RAMP3: variants seen among roughly 807,000 people sequenced by gnomAD.
RAMP3 encodes the protein receptor activity modifying protein 3.
RAMP3 carries 14 observed loss-of-function variants against 13.5 expected under a neutral mutation model. The observed-to-expected ratio is 1.04, with a 90% CI of 0.69 to 1.63. RAMP3 has a LOEUF of 1.63. RAMP3 is among the 40% of genes most tolerant of loss of function. The pLI, the probability that RAMP3 is intolerant of heterozygous loss-of-function variation, is 0.00. For synonymous variants in RAMP3, 106 were observed against 88.3 expected (o/e 1.20, Z -1.12); for missense variants, 200 against 204.8 (o/e 0.98, Z 0.14).
chr7:45,159,568 G>A (rs1024754592), intron 1 of RAMP3, among the ~76,000 whole-genome samples: 1 of 152,236 alleles, frequency 6.6e-6, no homozygotes, highest in East Asian at 1.9e-4. Flanking sequence ...ACACTTTGCT[G>A]TGGTGCCCAG....
Position 45,177,411 on chromosome 7 carries a change from G to A in RAMP3, c.161G>A (p.Trp54Ter), listed in dbSNP as rs780871648. Residue 54 changes from tryptophan to a stop codon, truncating the protein, a stop_gained, in exon 2 of 3, where the codon TGG becomes TAG. Coordinates refer to ENST00000242249, the MANE Select transcript of RAMP3 (RefSeq NM_005856.3). LOFTEE classifies it high-confidence loss of function. ...FADMMGKVDV[W>*]KWCNLSEFIV... ...GACATGATGGGCAAGGTGGACGTCT[G>A]GAAGTGGTGCAACCTGTCCGAGTTC... 2.5e-6 allele frequency: 4 copies of A among 1,614,008 alleles called. No individual in the cohort carries two copies. In the Admixed American group the frequency reaches 5.0e-5, roughly 20 times the overall value.
At chr7:45,170,077 G>GT (rs1252713915) in intron 1 of RAMP3, among the ~76,000 whole-genome samples, 9 of 150,522 alleles carry the variant, frequency 6.0e-5, no homozygotes, top group African/African-American at 2.4e-5. Context: ...CCCTGATTTA[G>GT]TAATTTGAGT....
At chr7:45,167,343 T>A (rs1263547681) in intron 1 of RAMP3, among the ~76,000 whole-genome samples, 1 of 152,192 alleles carries the variant, frequency 6.6e-6, no homozygotes, top group Non-Finnish European at 1.5e-5. Flanking sequence ...GTTGTCGCAG[T>A]ACCATTTGTT....
intron 1 of RAMP3, among the ~76,000 whole-genome samples, chr7:45,158,978 C>T (rs1001069202): frequency 4.6e-5 from 7 of 152,204 alleles, no homozygotes; most frequent in African/African-American, 1.7e-4. Flanking sequence ...CCAGTGAGCG[C>T]CCCTTAGGTG....
intron 2 of RAMP3, among the ~76,000 whole-genome samples, chr7:45,182,748 C>T (rs931921469): frequency 6.6e-6 from 1 of 152,136 alleles, no homozygotes; most frequent in African/African-American, 2.4e-5. Flanking sequence ...ACCCTCCTCT[C>T]AGGCTCTTAG....
At chr7:45,179,892 G>A (rs1183610537) in intron 2 of RAMP3, among the ~76,000 whole-genome samples, 2 of 152,192 alleles carry the variant, frequency 1.3e-5, no homozygotes, top group African/African-American at 2.4e-5. Flanking sequence ...AAAAAAATGA[G>A]CTCTAGGTTG....
intron 1 of RAMP3, among the ~76,000 whole-genome samples, chr7:45,162,896 C>G (rs767534919): frequency 1.3e-5 from 2 of 152,196 alleles, no homozygotes; most frequent in Non-Finnish European, 2.9e-5. Context: ...ATCCCCCATG[C>G]CCTTACTCCT....
chr7:45,174,275 T>G (rs1392597185), intron 1 of RAMP3, among the ~76,000 whole-genome samples: 1 of 152,064 alleles, frequency 6.6e-6, no homozygotes, highest in East Asian at 1.9e-4. Context: ...GGGTCTGCTG[T>G]GATGTCTGGG....
chr7:45,171,378 A>T (rs1400462280), intron 1 of RAMP3, among the ~76,000 whole-genome samples: 1 of 150,994 alleles, frequency 6.6e-6, no homozygotes, highest in Non-Finnish European at 1.5e-5. Context: ...TTGGTCTCGA[A>T]CTCTGGATCT....
rs528229707 is a variant in RAMP3, at chr7:45,183,483, G to C, written c.*71G>C. 1.7e-5 allele frequency: 27 copies of C among 1,577,360 alleles called. No homozygotes were observed. The African/African-American group carries it at 3.5e-4, about 20-fold the overall frequency. ...AAGTTCCCTGGGGATGGGAGAGCGG[G>C]TGGGTGCTGCCAATCTCCAGCTACT... is the stretch of plus-strand genomic sequence containing the variant. On this transcript the variant is annotated 3_prime_UTR_variant, in exon 3 of 3. Transcript: ENST00000242249.
At chr7:45,181,435 G>C (rs1284807990) in intron 2 of RAMP3, among the ~76,000 whole-genome samples, 2 of 152,214 alleles carry the variant, frequency 1.3e-5, no homozygotes, top group East Asian at 3.8e-4. Context: ...TAGACTCGCT[G>C]TCCACAGAGG....
intron 1 of RAMP3, among the ~76,000 whole-genome samples, chr7:45,173,795 G>A (rs546782386): frequency 2.9e-4 from 44 of 152,312 alleles, no homozygotes; most frequent in African/African-American, 1.0e-3. Flanking sequence ...GCTTTCCCTT[G>A]GGGACTGTCA....
rs376545395 is a variant in RAMP3, at chr7:45,165,390, TCTC to T, written c.58+7509_58+7511del. ...TTACTTGCATAGTTAAAATTTCTGATCTCCTCCATTCCTTTGCATAGGTCCATA... is the reference window on the plus strand; with the variant it reads ...TTACTTGCATAGTTAAAATTTCTGATCTCCATTCCTTTGCATAGGTCCATA... On this transcript the variant is annotated intron_variant, in intron 1 of 2. Transcript: ENST00000242249. Among the ~76,000 whole-genome samples the T allele has an allele frequency of 2.5e-3, 380 of 152,372 alleles. 6 individuals are homozygous for T. Among genetic ancestry groups the T allele is most frequent in the African/African-American group, 8.9e-3 (369 of 41,586 alleles).
chr7:45,177,008 C>T (rs1786200631), intron 1 of RAMP3, among the ~76,000 whole-genome samples: 1 of 152,242 alleles, frequency 6.6e-6, no homozygotes, highest in African/African-American at 2.4e-5. Flanking sequence ...ACCCTCTCAC[C>T]ACCTCCCAAG....
intron 1 of RAMP3, among the ~76,000 whole-genome samples, chr7:45,161,413 G>A (rs1785863369): frequency 6.6e-6 from 1 of 152,108 alleles, no homozygotes; most frequent in African/African-American, 2.4e-5. Flanking sequence ...ATACTTATCA[G>A]GACCTTGTCC....
At chr7:45,164,848 A>G (rs1279358161) in intron 1 of RAMP3, among the ~76,000 whole-genome samples, 3 of 152,116 alleles carry the variant, frequency 2.0e-5, no homozygotes, top group Non-Finnish European at 2.9e-5. Context: ...GAGTCTTTTC[A>G]TTTAAAGTTG....
intron 1 of RAMP3, among the ~76,000 whole-genome samples, chr7:45,176,236 T>C (rs538220710): frequency 5.2e-4 from 79 of 152,248 alleles, no homozygotes; most frequent in African/African-American, 1.9e-3. Flanking sequence ...CTGTCCCATG[T>C]CAATCTGGAA....
chr7:45,181,925 C>T (rs926726762), intron 2 of RAMP3, among the ~76,000 whole-genome samples: 1 of 152,168 alleles, frequency 6.6e-6, no homozygotes, highest in African/African-American at 2.4e-5. Context: ...GTGCTGAGAG[C>T]CAGCCTTGGA....
Position 45,184,165 on chromosome 7 carries a change from C to A in RAMP3, c.*753C>A. On this transcript the variant is annotated 3_prime_UTR_variant, in exon 3 of 3. Transcript: ENST00000242249. ...CAGGGGCTCCTCTGTGGGTGAGGGG[C>A]CCTCTGGAATGGCATCCCATGAGCT... is the stretch of plus-strand genomic sequence containing the variant. The A allele has an allele frequency of 2.5e-6, 1 of 398,710 alleles. No individual in the cohort carries two copies. The allele number at this position is 398,710 out of a possible 1,614,324, so 24.7% of individuals were successfully genotyped here.
Sources: allele counts gnomAD v4.1 joint callset (sites outside exome capture counted in the v4.1 genomes callset), GRCh38; gene constraint gnomAD v4.1.1; transcripts MANE v1.5; gene names NCBI Gene and HGNC (gene_info 2026-07-23, HGNC 2026-07-21).